DNAJC10: variants seen among roughly 807,000 people sequenced by gnomAD.
DNAJC10 encodes endoplasmic reticulum disulfide reductase DNAJC10.
Under a neutral mutation model 115.0 loss-of-function variants are expected in DNAJC10, and 101 were observed. That is an observed-to-expected ratio of 0.88 (90% CI 0.75 to 1.04). The LOEUF (loss-of-function observed/expected upper bound fraction) is 1.04. DNAJC10 is among the 50% of genes least tolerant of loss of function. The pLI, the probability that DNAJC10 is intolerant of heterozygous loss-of-function variation, is 0.00. For missense variants in DNAJC10, 981 were observed against 928.8 expected (o/e 1.06, Z -0.73); for synonymous variants, 307 against 301.5 (o/e 1.02, Z -0.19).
At chr2:182,751,410 A>G (rs1226098595) in intron 14 of DNAJC10, among the ~76,000 whole-genome samples, 1 of 152,068 alleles carries the variant, frequency 6.6e-6, no homozygotes, top group Non-Finnish European at 1.5e-5. Flanking sequence ...CTAGGATTAC[A>G]GGCGTGAGCC....
In DNAJC10 at chr2:182,756,418, G is replaced by A. The variant is rs775073834; in HGVS notation, c.1758G>A (p.Pro586=). The change falls in exon 18 of 24, where the codon CCG becomes CCA. Residue 586 remains proline, a synonymous_variant. Coordinates refer to ENST00000264065, the MANE Select transcript of DNAJC10 (RefSeq NM_018981.4). Reference sequence around the variant, plus strand: ...TCTGGATGGTTGATTTCTATTCTCCGTGGTGTCATCCTTGCCAAGTCTTAA... The same window carrying A: ...TCTGGATGGTTGATTTCTATTCTCCATGGTGTCATCCTTGCCAAGTCTTAA... ...NEVWMVDFYS[P]WCHPCQVLMP... is the part of the protein sequence containing the mutation. The A allele has an allele frequency of 3.1e-6, 5 of 1,613,952 alleles. No homozygotes were observed. The highest frequency in any genetic ancestry group is 4.5e-5 in the East Asian group (2 of 44,860).
At chr2:182,729,155 A>ATTT (rs112024053) in intron 7 of DNAJC10, 161 bp downstream of exon 7, 1 of 643,960 alleles carries the variant, frequency 1.6e-6, no homozygotes, top group Admixed American at 3.5e-5. Flanking sequence ...TGGATTATGA[A>ATTT]TTTTTTTTTT....
intron 3 of DNAJC10, among the ~76,000 whole-genome samples, chr2:182,718,728 A>G (rs1693064511): frequency 6.6e-6 from 1 of 152,222 alleles, no homozygotes; most frequent in African/African-American, 2.4e-5. Flanking sequence ...TCTTCTGTGT[A>G]TGCACAAGTC....
In DNAJC10 at chr2:182,791,681, T is replaced by G. The variant is rs1695050629; in HGVS notation, c.*14549T>G. On this transcript the variant is annotated 3_prime_UTR_variant, in exon 24 of 24. Coordinates refer to ENST00000264065, the MANE Select transcript of DNAJC10 (RefSeq NM_018981.4). The stretch of plus-strand genomic sequence containing the variant: ...TACCTCTCATTTATTTTCTGTTTAA[T>G]AAATCCAGTATTTGGGCATACAAAC... 1 of 152,182 alleles carries G rather than the reference T, an allele frequency of 6.6e-6. No homozygotes were observed. Among genetic ancestry groups the G allele is most frequent in the South Asian group, 2.1e-4 (1 of 4,830 alleles). The allele number at this position is 152,182 out of a possible 1,614,324, so 9.4% of individuals were successfully genotyped here. A position where few individuals can be genotyped will look rare whatever the true frequency, so the allele number is the denominator to read the frequency against.
chr2:182,738,959 C>T (rs1693657862), intron 11 of DNAJC10, among the ~76,000 whole-genome samples: 1 of 151,888 alleles, frequency 6.6e-6, no homozygotes, highest in African/African-American at 2.4e-5. Context: ...TCTCCTCTAA[C>T]AGAAACAGGT....
At chr2:182,775,452 A>T in intron 23 of DNAJC10, 32 bp downstream of exon 23, 1 of 1,426,996 alleles carries the variant, frequency 7.0e-7, no homozygotes, top group Non-Finnish European at 9.8e-7. Flanking sequence ...GACTTTGGCA[A>T]AAGTTGGCAA....
At chr2:182,768,797 GA>G (rs1694482008) in intron 22 of DNAJC10, among the ~76,000 whole-genome samples, 3 of 152,116 alleles carry the variant, frequency 2.0e-5, no homozygotes, top group Non-Finnish European at 2.9e-5. Flanking sequence ...AGAGTGGAAT[GA>G]GTTCGGTCCT....
intron 11 of DNAJC10, among the ~76,000 whole-genome samples, chr2:182,739,053 A>G (rs575629361): frequency 6.6e-6 from 1 of 151,846 alleles, no homozygotes; most frequent in African/African-American, 2.4e-5. Context: ...TTCATAGTGA[A>G]TAGGACTAAA....
intron 22 of DNAJC10, among the ~76,000 whole-genome samples, chr2:182,772,706 A>C (rs145748266): frequency 0.01 from 1,523 of 152,064 alleles, 29 homozygotes; most frequent in African/African-American, 0.035. Flanking sequence ...ATCTTCCTCC[A>C]TCCCTTTATT....
At chr2:182,759,987 C>A (rs568094667) in intron 21 of DNAJC10, among the ~76,000 whole-genome samples, 27 of 152,166 alleles carry the variant, frequency 1.8e-4, no homozygotes, top group Non-Finnish European at 3.1e-4. Flanking sequence ...CTACCTTTGT[C>A]AGTGCTGCCC....
intron 3 of DNAJC10, among the ~76,000 whole-genome samples, chr2:182,718,871 T>G (rs1693069080): frequency 1.3e-5 from 2 of 152,176 alleles, no homozygotes; most frequent in Admixed American, 1.3e-4. Context: ...TATGGTGTTT[T>G]TGTAATTTAT....
At chr2:182,772,187 TTTG>T (rs1177997773) in intron 22 of DNAJC10, among the ~76,000 whole-genome samples, 1 of 152,216 alleles carries the variant, frequency 6.6e-6, no homozygotes, top group Non-Finnish European at 1.5e-5. Flanking sequence ...TGAGAGACAA[TTTG>T]TTGTGATTTC....
At position 182,779,284 on chromosome 2, in the gene DNAJC10, T is replaced by C. The variant is rs1336356472; in HGVS notation, c.*2152T>C. Reference sequence around the variant, plus strand: ...GCAGATTGAGCTTTTAATGGCTATATTGATACAGTAGATAGAGCACCTCTA... The same window carrying C: ...GCAGATTGAGCTTTTAATGGCTATACTGATACAGTAGATAGAGCACCTCTA... On this transcript the variant is annotated 3_prime_UTR_variant, in exon 24 of 24. Coordinates refer to ENST00000264065, the MANE Select transcript of DNAJC10 (RefSeq NM_018981.4). 1 of 152,212 alleles carries C rather than the reference T, an allele frequency of 6.6e-6. No individual in the cohort carries two copies. Among genetic ancestry groups the C allele is most frequent in the Non-Finnish European group, 1.5e-5 (1 of 68,040 alleles). The allele number at this position is 152,212 out of a possible 1,614,324, so 9.4% of individuals were successfully genotyped here. A position where few individuals can be genotyped will look rare whatever the true frequency, so the allele number is the denominator to read the frequency against.
Position 182,720,071 on chromosome 2 carries a change from A to G in DNAJC10, c.269A>G (p.Glu90Gly). 1 of 1,607,056 alleles carries G rather than the reference A, an allele frequency of 6.2e-7. No homozygotes were observed. Among genetic ancestry groups the G allele is most frequent in the South Asian group, 1.1e-5 (1 of 90,862 alleles). ...AGAGCATATGAAGTACTCAAAGATG[A>G]AGATCTACGGAAAAAGTATGACAAA... is the stretch of plus-strand genomic sequence containing the variant. The part of the protein sequence containing the change: ...INRAYEVLKD[E>G]DLRKKYDKYG... Residue 90 changes from glutamate (E) to glycine (G), a missense_variant, in exon 4 of 24, where the codon GAA (glutamate) becomes GGA (glycine). Coordinates refer to ENST00000264065, the MANE Select transcript of DNAJC10 (RefSeq NM_018981.4).
intron 9 of DNAJC10, among the ~76,000 whole-genome samples, 163 bp from the exon 10 acceptor site, chr2:182,732,320 GTTTTTGTGTGTGTGTT>G (rs1693468999): frequency 7.3e-6 from 1 of 136,472 alleles, no homozygotes; most frequent in Non-Finnish European, 1.5e-5. Flanking sequence ...GTGTGTGTGT[GTTTTTGTGTGTGTGTT>G]TGTATGTGTG....
In DNAJC10 at chr2:182,787,574, G is replaced by A. The variant is rs1339509662; in HGVS notation, c.*10442G>A. 2 of 152,118 alleles carry A rather than the reference G, an allele frequency of 1.3e-5. No homozygotes were observed. Among genetic ancestry groups the A allele is most frequent in the African/African-American group, 2.4e-5 (1 of 41,408 alleles). The allele number at this position is 152,118 out of a possible 1,614,324, so 9.4% of individuals were successfully genotyped here. A position where few individuals can be genotyped will look rare whatever the true frequency, so the allele number is the denominator to read the frequency against. The stretch of plus-strand genomic sequence containing the variant: ...TAACCTCTAACCAACTGAACAAATC[G>A]AAGACATTTAATTTAGTCAAAATAG... On this transcript the variant is annotated 3_prime_UTR_variant, in exon 24 of 24. Coordinates refer to ENST00000264065, the MANE Select transcript of DNAJC10 (RefSeq NM_018981.4).
At chr2:182,771,170 T>TAA (rs1694552154) in intron 22 of DNAJC10, among the ~76,000 whole-genome samples, 1 of 152,194 alleles carries the variant, frequency 6.6e-6, no homozygotes, top group Non-Finnish European at 1.5e-5. Context: ...TTGATCTTGG[T>TAA]GGATAAGCTT....
intron 5 of DNAJC10, among the ~76,000 whole-genome samples, chr2:182,723,037 CTTTTTTTTTTT>C (rs372893280): frequency 9.5e-6 from 1 of 105,780 alleles, no homozygotes; most frequent in African/African-American, 3.7e-5. Flanking sequence ...GCAAGGGTGG[CTTTTTTTTTTT>C]TTTTTTTTTG....
In DNAJC10 at chr2:182,788,135, C is replaced by G. The variant is rs1020059906; in HGVS notation, c.*11003C>G. 6.5e-6 allele frequency: 1 copy of G among 153,304 alleles called. No individual in the cohort carries two copies. The highest frequency in any genetic ancestry group is 1.5e-5 in the Non-Finnish European group (1 of 68,768). 9.5% of individuals were successfully genotyped at this position (153,304 alleles called of 1,614,324 possible). On this transcript the variant is annotated 3_prime_UTR_variant, in exon 24 of 24. Coordinates refer to ENST00000264065, the MANE Select transcript of DNAJC10 (RefSeq NM_018981.4). ...GAGAAGGGTGGCAAGAAGGGCTGTTCTGCCATCAATGAGGTGGTGACCCGA... is the reference window on the plus strand; with the variant it reads ...GAGAAGGGTGGCAAGAAGGGCTGTTGTGCCATCAATGAGGTGGTGACCCGA...
Sources: gnomAD v4.1 joint callset for allele counts (sites outside exome capture counted in the v4.1 genomes callset) on GRCh38, gnomAD v4.1.1 for gene constraint, MANE v1.5 for transcripts, NCBI Gene and HGNC (gene_info 2026-07-23, HGNC 2026-07-21) for gene names.